ENTREP2: variants seen among roughly 807,000 people sequenced by gnomAD.
ENTREP2 encodes the protein endosomal transmembrane epsin interactor 2.
At chr15:29,197,360 G>A in the ENTREP2 span, among the ~76,000 whole-genome samples, 1 of 152,190 alleles carries the variant, frequency 6.6e-6, no homozygotes, top group Non-Finnish European at 1.5e-5. Flanking sequence ...GCCAGGGCAG[G>A]AGGATTGCTT....
chr15:29,349,227 C>T, the ENTREP2 span, among the ~76,000 whole-genome samples: 1 of 152,056 alleles, frequency 6.6e-6, no homozygotes, highest in Non-Finnish European at 1.5e-5. Flanking sequence ...AAAATCCTAA[C>T]GTACTTACTC....
At chr15:29,344,568 C>G in the ENTREP2 span, among the ~76,000 whole-genome samples, 523 of 152,234 alleles carry the variant, frequency 3.4e-3, 7 homozygotes, top group African/African-American at 0.012. Flanking sequence ...CTGGGCCACT[C>G]CAGTGACTGC....
At chr15:29,120,478 A>ATCC in the ENTREP2 span, 5 of 152,180 alleles carry the variant, frequency 3.3e-5, no homozygotes, top group Non-Finnish European at 5.9e-5. Context: ...TTTAATGTGG[A>ATCC]TCCTCATCTC....
At chr15:29,122,420 G>C in the ENTREP2 span, 89 of 152,162 alleles carry the variant, frequency 5.8e-4, no homozygotes, top group African/African-American at 2.0e-3. Flanking sequence ...GTCAGCTCTG[G>C]GTCAAAGGGA....
the ENTREP2 span, among the ~76,000 whole-genome samples, chr15:29,333,838 C>A: frequency 6.6e-6 from 1 of 151,958 alleles, no homozygotes; most frequent in Non-Finnish European, 1.5e-5. Context: ...GGGAGGCCCG[C>A]GGTCCAATCT....
chr15:29,469,261 G>A, the ENTREP2 span, among the ~76,000 whole-genome samples: 3 of 152,310 alleles, frequency 2.0e-5, no homozygotes, highest in South Asian at 2.1e-4. Flanking sequence ...GTACAGTGGC[G>A]TGATCTGGGC....
At chr15:29,397,787 T>C in the ENTREP2 span, among the ~76,000 whole-genome samples, 2 of 152,206 alleles carry the variant, frequency 1.3e-5, no homozygotes, top group Non-Finnish European at 2.9e-5. Flanking sequence ...GCTGTTTAAA[T>C]TTTTTCTGAG....
the ENTREP2 span, among the ~76,000 whole-genome samples, chr15:29,484,772 C>A: frequency 8.5e-4 from 129 of 152,224 alleles, 1 homozygote; most frequent in African/African-American, 2.9e-3. Context: ...GGAATAAATT[C>A]TTTACTGAAT....
the ENTREP2 span, among the ~76,000 whole-genome samples, chr15:29,318,318 T>TTTTTTG: frequency 6.6e-6 from 1 of 152,148 alleles, no homozygotes; most frequent in East Asian, 1.9e-4. Context: ...TGTACACTTT[T>TTTTTTG]TTTTTTGTTT....
At chr15:29,658,270 C>T in the ENTREP2 span, among the ~76,000 whole-genome samples, 1 of 152,112 alleles carries the variant, frequency 6.6e-6, no homozygotes, top group Admixed American at 6.5e-5. Context: ...TTCTCTCCTG[C>T]CACCTTGTGA....
chr15:29,497,979 A>G, the ENTREP2 span, among the ~76,000 whole-genome samples: 1 of 152,136 alleles, frequency 6.6e-6, no homozygotes, highest in Non-Finnish European at 1.5e-5. Flanking sequence ...CTGTGTCCCC[A>G]TGCAAATCTT....
the ENTREP2 span, among the ~76,000 whole-genome samples, chr15:29,475,991 T>C: frequency 6.6e-6 from 1 of 152,218 alleles, no homozygotes; most frequent in Admixed American, 6.5e-5. Flanking sequence ...ACAAGATGAT[T>C]GCATTTGGGG....
At chr15:29,426,948 G>A in the ENTREP2 span, among the ~76,000 whole-genome samples, 2 of 152,158 alleles carry the variant, frequency 1.3e-5, no homozygotes, top group Admixed American at 6.5e-5. Context: ...TAAACATGAT[G>A]GCTTTGACCT....
chr15:29,649,057 TACACACACACACACACAC>T, the ENTREP2 span, among the ~76,000 whole-genome samples: 1 of 144,882 alleles, frequency 6.9e-6, no homozygotes. Context: ...GGGACACATG[TACACACACACACACACAC>T]ACACACACAC....
chr15:29,556,217 A>G, the ENTREP2 span, among the ~76,000 whole-genome samples: 1 of 152,152 alleles, frequency 6.6e-6, no homozygotes, highest in Non-Finnish European at 1.5e-5. Context: ...TGATCCTGCC[A>G]CTGCACTCCA....
chr15:29,634,076 A>T, the ENTREP2 span, among the ~76,000 whole-genome samples: 3 of 152,112 alleles, frequency 2.0e-5, no homozygotes, highest in Non-Finnish European at 4.4e-5. Flanking sequence ...AGCTGGCCAC[A>T]CCTGGCACCT....
At chr15:29,150,339 A>G in the ENTREP2 span, among the ~76,000 whole-genome samples, 1 of 152,260 alleles carries the variant, frequency 6.6e-6, no homozygotes, top group Non-Finnish European at 1.5e-5. Flanking sequence ...ATGCTCTTAT[A>G]AAGAGAATTT....
chr15:29,264,018 G>C, the ENTREP2 span, among the ~76,000 whole-genome samples: 1 of 152,024 alleles, frequency 6.6e-6, no homozygotes, highest in Non-Finnish European at 1.5e-5. Context: ...AGCTGGGCAT[G>C]GTGGCGGGTG....
chr15:29,662,808 C>T, the ENTREP2 span, among the ~76,000 whole-genome samples: 5 of 152,096 alleles, frequency 3.3e-5, no homozygotes, highest in Non-Finnish European at 5.9e-5. Context: ...GCAACCTCTG[C>T]CTCCTGGATT....
Sources: allele counts gnomAD v4.1 joint callset (sites outside exome capture counted in the v4.1 genomes callset), GRCh38; gene constraint gnomAD v4.1.1; transcripts MANE v1.5; gene names NCBI Gene and HGNC (gene_info 2026-07-23, HGNC 2026-07-21).